RBM19: variants seen among roughly 807,000 people sequenced by gnomAD.
RBM19 encodes the protein RNA binding motif protein 19.
A neutral mutation model predicts 116.8 loss-of-function variants in RBM19; 94 were observed. The ratio of observed to expected loss-of-function variants is 0.80; its 90% CI spans 0.68 to 0.95. The LOEUF (loss-of-function observed/expected upper bound fraction) is 0.95, where lower values mean the gene tolerates loss of function less well. RBM19 is among the 40% of genes least tolerant of loss of function. The pLI, the probability that RBM19 is intolerant of heterozygous loss-of-function variation, is 0.00. For missense variants in RBM19, 1,161 were observed against 1,220.7 expected, an observed-to-expected ratio of 0.95 and a Z score of 0.73; for synonymous variants, 475 against 494.1, an observed-to-expected ratio of 0.96 and a Z score of 0.51.
At chr12:113,839,682 A>G (rs1442839193) in intron 23 of RBM19, among the ~76,000 whole-genome samples, 1 of 152,224 alleles carries the variant, frequency 6.6e-6, no homozygotes, top group Non-Finnish European at 1.5e-5. Context: ...GGTCCCCAGT[A>G]AGGAAAGCTG....
At position 113,834,273 on chromosome 12, in the gene RBM19, A is replaced by C. The variant is rs535800728; in HGVS notation, c.2785+10395T>G. Among the ~76,000 whole-genome samples the C allele has an allele frequency of 2.6e-5, 4 of 152,302 alleles. No homozygotes were observed. The East Asian group carries it at 7.7e-4, about 29-fold the overall frequency. ...TGAAGAACTGTTGAATGAATGAATG[A>C]ATGAATGAATGGGGCCTCCTATCCA... On this transcript the variant is annotated intron_variant, in intron 23 of 23. Transcript: ENST00000261741.
intron 23 of RBM19, among the ~76,000 whole-genome samples, chr12:113,833,229 C>T (rs1051379284): frequency 6.6e-6 from 1 of 152,162 alleles, no homozygotes. Context: ...AACCTATGCA[C>T]CAGTTTTGAT....
Position 113,955,163 on chromosome 12 carries a change from T to G in RBM19, c.889A>C (p.Lys297Gln), listed in dbSNP as rs1337382966. 1 of 1,613,010 alleles carries G rather than the reference T, an allele frequency of 6.2e-7. No homozygotes were observed. Among genetic ancestry groups the G allele is most frequent in the Non-Finnish European group, 8.5e-7 (1 of 1,179,206 alleles). The change falls in exon 7 of 24, where the codon AAG becomes CAG. Residue 297 changes from lysine to glutamine, a missense_variant. By Grantham distance (53) the Lys-to-Gln change is moderately conservative. Transcript: ENST00000261741. ...QKEPTTCHTV[K>Q]LRGAPFNVTE... Reference sequence around the variant, plus strand: ...ACATTGAACGGGGCTCCCCGCAGCTTCACGGTGTGGCAGGTGGTGGGTTCC... The same window carrying G: ...ACATTGAACGGGGCTCCCCGCAGCTGCACGGTGTGGCAGGTGGTGGGTTCC...
chr12:113,954,718 T>C (rs1486256423), intron 7 of RBM19, among the ~76,000 whole-genome samples: 1 of 152,258 alleles, frequency 6.6e-6, no homozygotes, highest in Non-Finnish European at 1.5e-5. Context: ...CAAATCTGGC[T>C]CACTGCCTGT....
intron 21 of RBM19, among the ~76,000 whole-genome samples, chr12:113,910,765 T>C (rs1263404475): frequency 6.6e-6 from 1 of 152,200 alleles, no homozygotes; most frequent in Non-Finnish European, 1.5e-5. Flanking sequence ...CCGATGCCTG[T>C]ATTAGCCAGC....
Position 113,822,097 on chromosome 12 carries a change from T to C in RBM19, c.*1127A>G, listed in dbSNP as rs1002629550. 1 of 152,278 alleles carries C rather than the reference T, an allele frequency of 6.6e-6. No individual in the cohort carries two copies. Among genetic ancestry groups the C allele is most frequent in the African/African-American group, 2.4e-5 (1 of 41,478 alleles). The allele number at this position is 152,278 out of a possible 1,614,324, so 9.4% of individuals were successfully genotyped here. ...CTGGGCTTTACTTGGCTTGACTCAC[T>C]TAATTCTGGCACTGTCTATCTGAGG... On this transcript the variant is annotated 3_prime_UTR_variant, in exon 24 of 24. Coordinates refer to ENST00000261741, the MANE Select transcript of RBM19 (RefSeq NM_016196.4).
At chr12:113,857,542 C>T (rs1364149547) in intron 22 of RBM19, among the ~76,000 whole-genome samples, 3 of 152,250 alleles carry the variant, frequency 2.0e-5, no homozygotes, top group African/African-American at 7.2e-5. Context: ...AGGGTGAGGG[C>T]CGTGACCTGC....
chr12:113,859,049 C>A, intron 21 of RBM19, 153 bp from the exon 22 acceptor site: 1 of 675,082 alleles, frequency 1.5e-6, no homozygotes, highest in Admixed American at 2.4e-5. Flanking sequence ...AGCTCAGGGG[C>A]ATGAGCAGCC....
intron 22 of RBM19, among the ~76,000 whole-genome samples, chr12:113,853,192 C>T (rs1877602423): frequency 6.6e-6 from 1 of 152,214 alleles, no homozygotes; most frequent in Non-Finnish European, 1.5e-5. Flanking sequence ...TCTGCCCCAA[C>T]CCTTGGCAGA....
chr12:113,818,603 G>A (rs1874210468), downstream of RBM19, among the ~76,000 whole-genome samples: 1 of 152,234 alleles, frequency 6.6e-6, no homozygotes, highest in Admixed American at 6.5e-5. Context: ...GTACTCACTA[G>A]GCATGACACA....
At chr12:113,947,537 C>T in intron 10 of RBM19, 73 bp from the exon 11 acceptor site, 5 of 1,489,774 alleles carry the variant, frequency 3.4e-6, no homozygotes, top group Non-Finnish European at 4.5e-6. Flanking sequence ...TGGTGAGCAC[C>T]AGCTGTGAGC....
At chr12:113,937,755 TAAAAAAA>T (rs35507198) in intron 15 of RBM19, among the ~76,000 whole-genome samples, 15 of 118,802 alleles carry the variant, frequency 1.3e-4, no homozygotes, top group Admixed American at 2.8e-4. Context: ...TCCTGCCTCT[TAAAAAAA>T]AAAAAAAAAA....
At chr12:113,842,280 C>A (rs915065370) in intron 23 of RBM19, among the ~76,000 whole-genome samples, 1 of 152,230 alleles carries the variant, frequency 6.6e-6, no homozygotes, top group African/African-American at 2.4e-5. Flanking sequence ...CCTCGGCTGG[C>A]CCCGGGGTTG....
Position 113,937,069 on chromosome 12 carries a change from T to C in RBM19, c.2006A>G (p.Lys669Arg), listed in dbSNP as rs1395899358. The C allele has an allele frequency of 3.1e-6, 5 of 1,614,084 alleles. No individual in the cohort carries two copies. The African/African-American group carries it at 6.7e-5, about 22-fold the overall frequency. The change falls in exon 16 of 24, where the codon AAG (lysine) becomes AGG (arginine). Residue 669 changes from lysine to arginine, a missense_variant. Transcript: ENST00000261741. ...VGVFSSTAPQ[K>R]KKLQDTPSEP... ...TGAAGGTGTGTCTTGGAGCTTTTTC[T>C]TCTGTGGGGCTGTGCTGGAGAAGAC...
At chr12:113,921,847 C>T (rs1868603800) in intron 18 of RBM19, among the ~76,000 whole-genome samples, 1 of 152,222 alleles carries the variant, frequency 6.6e-6, no homozygotes, top group South Asian at 2.1e-4. Flanking sequence ...CTCTGAGTTA[C>T]TGACACTATG....
intron 22 of RBM19, among the ~76,000 whole-genome samples, chr12:113,851,397 C>T (rs1364975131): frequency 6.6e-6 from 1 of 152,200 alleles, no homozygotes; most frequent in Non-Finnish European, 1.5e-5. Flanking sequence ...GTGGGACACA[C>T]TTTGGACCTC....
At chr12:113,832,330 C>T (rs6489923) in intron 23 of RBM19, among the ~76,000 whole-genome samples, 139,257 of 152,146 alleles carry the variant, frequency 0.92, 63,771 homozygotes, top group East Asian at 0.97. Flanking sequence ...GCTAGGATTA[C>T]GGGCGCACGC....
At chr12:113,951,278 C>T (rs1046435049) in intron 8 of RBM19, among the ~76,000 whole-genome samples, 7 of 152,176 alleles carry the variant, frequency 4.6e-5, no homozygotes, top group East Asian at 1.9e-4. Context: ...GCTTGGATGC[C>T]GGCTCTCTCC....
chr12:113,879,798 T>C (rs1879976787), intron 21 of RBM19, among the ~76,000 whole-genome samples: 2 of 151,934 alleles, frequency 1.3e-5, no homozygotes, highest in Admixed American at 6.6e-5. Context: ...CTGGCACAAA[T>C]AGCACCCTCC....
Sources: allele counts gnomAD v4.1 joint callset (sites outside exome capture counted in the v4.1 genomes callset), GRCh38; gene constraint gnomAD v4.1.1; transcripts MANE v1.5; gene names NCBI Gene and HGNC (gene_info 2026-07-23, HGNC 2026-07-21).